Variants in NLGN1 observed in about 807,000 individuals in gnomAD.
The protein encoded by NLGN1 is neuroligin-1.
NLGN1 carries 12 observed loss-of-function variants against 65.5 expected under a neutral mutation model. That is an observed-to-expected ratio of 0.18 (90% CI 0.12 to 0.30). The LOEUF is 0.30. Among genes scored for constraint, NLGN1 ranks in the 10% least tolerant of loss-of-function variants. NLGN1 has a pLI of 1.00. For missense variants in NLGN1, 750 were observed against 1,007.1 expected, an observed-to-expected ratio of 0.74 and a Z score of 3.46; for synonymous variants, 350 against 359.5, an observed-to-expected ratio of 0.97 and a Z score of 0.30.
chr3:173,745,184 T>C (rs1387072213), intron 3 of NLGN1, among the ~76,000 whole-genome samples: 1 of 152,074 alleles, frequency 6.6e-6, no homozygotes, highest in Non-Finnish European at 1.5e-5. Context: ...ATATTTTCTG[T>C]GCTCAGAGAT....
At chr3:173,674,341 C>T (rs913868893) in intron 3 of NLGN1, among the ~76,000 whole-genome samples, 5 of 151,838 alleles carry the variant, frequency 3.3e-5, no homozygotes, top group Non-Finnish European at 7.4e-5. Context: ...TTTATTGTGC[C>T]CTTATTGTGT....
intron 4 of NLGN1, among the ~76,000 whole-genome samples, chr3:173,878,971 G>A (rs934410892): frequency 9.9e-5 from 15 of 151,976 alleles, no homozygotes; most frequent in African/African-American, 3.4e-4. Context: ...GTGACTTAAC[G>A]CCTGTAATCC....
intron 4 of NLGN1, among the ~76,000 whole-genome samples, chr3:173,848,259 C>A (rs909785633): frequency 6.6e-6 from 1 of 152,124 alleles, no homozygotes; most frequent in African/African-American, 2.4e-5. Flanking sequence ...TCAATAGTAG[C>A]CATTAACAAC....
chr3:173,800,280 T>G (rs1340326520), intron 3 of NLGN1: 1 of 1,095,892 alleles, frequency 9.1e-7, no homozygotes, highest in Admixed American at 3.0e-5. Flanking sequence ...CATTTCTCCG[T>G]TCTCAATCCT....
chr3:173,866,894 T>C (rs890328215), intron 4 of NLGN1, among the ~76,000 whole-genome samples: 10 of 152,162 alleles, frequency 6.6e-5, no homozygotes, highest in Admixed American at 6.6e-4. Flanking sequence ...TAAAGATGTT[T>C]CTAATGTATT....
chr3:173,499,484 A>G (rs1197828820), intron 2 of NLGN1, among the ~76,000 whole-genome samples: 2 of 151,888 alleles, frequency 1.3e-5, no homozygotes, highest in Non-Finnish European at 2.9e-5. Context: ...GAAGTCAGGT[A>G]GCGTGATGCC....
chr3:174,051,727 G>T (rs1485194660), intron 4 of NLGN1, among the ~76,000 whole-genome samples: 1 of 152,016 alleles, frequency 6.6e-6, no homozygotes, highest in Admixed American at 6.6e-5. Context: ...GAGAGCAAGT[G>T]ACATTAGCTT....
intron 3 of NLGN1, among the ~76,000 whole-genome samples, chr3:173,711,150 A>G (rs1235303860): frequency 5.9e-5 from 9 of 152,182 alleles, no homozygotes; most frequent in Admixed American, 5.2e-4. Context: ...CCTAGGAGAA[A>G]AATAGTATTA....
intron 4 of NLGN1, among the ~76,000 whole-genome samples, chr3:174,151,427 T>C (rs6801561): frequency 0.37 from 55,522 of 151,962 alleles, 11,892 homozygotes; most frequent in African/African-American, 0.59. Flanking sequence ...ATATGCTGAT[T>C]ATGTGCATGA....
downstream of NLGN1, among the ~76,000 whole-genome samples, chr3:174,287,993 T>A (rs1049639916): frequency 4.6e-5 from 7 of 151,564 alleles, no homozygotes; most frequent in Non-Finnish European, 8.9e-5. Context: ...GGCAACATAA[T>A]GGGTGTTAAA....
At chr3:173,433,429 C>T (rs932365587) in intron 1 of NLGN1, among the ~76,000 whole-genome samples, 15 of 152,128 alleles carry the variant, frequency 9.9e-5, no homozygotes, top group African/African-American at 3.6e-4. Flanking sequence ...TGGATGAAAA[C>T]CCTCCCCTAT....
At chr3:174,195,271 A>C (rs1295039188) in intron 4 of NLGN1, among the ~76,000 whole-genome samples, 1 of 152,226 alleles carries the variant, frequency 6.6e-6, no homozygotes, top group Admixed American at 6.5e-5. Context: ...AGTTATGTTC[A>C]AAATAGAATA....
At chr3:173,976,459 A>T (rs1196923598) in intron 4 of NLGN1, among the ~76,000 whole-genome samples, 1 of 152,028 alleles carries the variant, frequency 6.6e-6, no homozygotes, top group East Asian at 1.9e-4. Flanking sequence ...ACTGATGAAG[A>T]TGTGGGTCAG....
At chr3:174,274,969 A>T (rs1320230509) in intron 4 of NLGN1, among the ~76,000 whole-genome samples, 1 of 151,856 alleles carries the variant, frequency 6.6e-6, no homozygotes, top group African/African-American at 2.4e-5. Flanking sequence ...ATACACGTTC[A>T]CATGAACCCT....
chr3:174,011,519 A>T (rs1033965077), intron 4 of NLGN1, among the ~76,000 whole-genome samples: 2 of 152,190 alleles, frequency 1.3e-5, no homozygotes, highest in Non-Finnish European at 2.9e-5. Context: ...GCTTCTATTT[A>T]ATCATTATAG....
At chr3:174,170,161 AC>A (rs923962329) in intron 4 of NLGN1, among the ~76,000 whole-genome samples, 11 of 151,854 alleles carry the variant, frequency 7.2e-5, no homozygotes, top group African/African-American at 2.7e-4. Flanking sequence ...ATCTTTATGT[AC>A]TATCTTGCTG....
intron 3 of NLGN1, among the ~76,000 whole-genome samples, chr3:173,781,254 T>C (rs972243137): frequency 1.3e-5 from 2 of 151,264 alleles, no homozygotes; most frequent in Non-Finnish European, 2.9e-5. Context: ...GCATTTAAAA[T>C]AGTTTATTGG....
intron 4 of NLGN1, among the ~76,000 whole-genome samples, chr3:174,082,554 A>G (rs1742447214): frequency 6.6e-6 from 1 of 151,854 alleles, no homozygotes; most frequent in Non-Finnish European, 1.5e-5. Context: ...TATAATAGTA[A>G]ATAGAATATA....
downstream of NLGN1, among the ~76,000 whole-genome samples, chr3:174,291,472 A>C (rs1001299680): frequency 4.6e-5 from 7 of 151,274 alleles, no homozygotes; most frequent in African/African-American, 1.7e-4. Context: ...TCAAAGAAAT[A>C]ATATAAGCAT....
Sources: gnomAD v4.1 joint callset for allele counts (sites outside exome capture counted in the v4.1 genomes callset) on GRCh38, gnomAD v4.1.1 for gene constraint, MANE v1.5 for transcripts, NCBI Gene and HGNC (gene_info 2026-07-23, HGNC 2026-07-21) for gene names.